Variants in PRKAR1B observed in about 807,000 individuals in gnomAD.
PRKAR1B encodes cAMP-dependent protein kinase type I-beta regulatory subunit.
In PRKAR1B, 22 loss-of-function variants were observed where a neutral mutation model predicts 46.5. The ratio of observed to expected loss-of-function variants is 0.47; its 90% CI spans 0.34 to 0.68. The LOEUF (loss-of-function observed/expected upper bound fraction) is 0.68, where lower values mean the gene tolerates loss of function less well. Ranked by LOEUF, PRKAR1B falls within the 30% of genes least tolerant of loss-of-function variation. The pLI is 0.01. For synonymous variants in PRKAR1B, 259 were observed against 217.7 expected, an observed-to-expected ratio of 1.19 and a Z score of -1.67; for missense variants, 445 against 535.6, an observed-to-expected ratio of 0.83 and a Z score of 1.67.
rs1451419934 is a variant in PRKAR1B, at chr7:666,792, C to T, written c.440+10437G>A. 1.3e-5 allele frequency among the ~76,000 whole-genome samples: 2 copies of T among 152,218 alleles called. No homozygotes were observed. The highest frequency in any genetic ancestry group is 1.5e-5 in the Non-Finnish European group (1 of 68,034). ...GGCTACCCCAGCCTCTTTCTCAGAC[C>T]AAGTACTGAGTGGGGCCTGACTGCG... On this transcript the variant is annotated intron_variant, in intron 4 of 10. Transcript: ENST00000537384. This position sits in a 1 kb window ranked among gnomAD's most constrained non-coding sequence, Gnocchi z 4.9.
At chr7:700,358 A>G (rs1779993904) in intron 2 of PRKAR1B, among the ~76,000 whole-genome samples, 1 of 152,240 alleles carries the variant, frequency 6.6e-6, no homozygotes, top group South Asian at 2.1e-4. Flanking sequence ...ATTTCCTGCC[A>G]AAACAAACAA....
intron 4 of PRKAR1B, among the ~76,000 whole-genome samples, chr7:629,338 C>T (rs983075385): frequency 4.7e-5 from 7 of 148,838 alleles, no homozygotes; most frequent in African/African-American, 1.5e-4. Flanking sequence ...CCACGGCCTC[C>T]GAAGGCACCA....
At chr7:655,694 T>C (rs1041520024) in intron 4 of PRKAR1B, among the ~76,000 whole-genome samples, 7 of 152,230 alleles carry the variant, frequency 4.6e-5, no homozygotes, top group Non-Finnish European at 7.3e-5. Context: ...GGGCAGGGCC[T>C]GGCCTGAAGG....
chr7:696,282 TTA>T (rs988039253), intron 2 of PRKAR1B, among the ~76,000 whole-genome samples: 1 of 142,686 alleles, frequency 7.0e-6, no homozygotes, highest in African/African-American at 2.7e-5. Context: ...CTTTTTTTTT[TTA>T]AAGAAAGATG....
intron 4 of PRKAR1B, among the ~76,000 whole-genome samples, chr7:611,096 T>C (rs1163482580): frequency 1.3e-5 from 2 of 152,234 alleles, no homozygotes; most frequent in East Asian, 3.9e-4. Context: ...CCGTCCAGTT[T>C]CCAGATAAGG....
intron 3 of PRKAR1B, among the ~76,000 whole-genome samples, chr7:678,291 A>G (rs998000457): frequency 2.6e-5 from 4 of 152,196 alleles, no homozygotes; most frequent in African/African-American, 9.6e-5. Context: ...AAATAAACAT[A>G]TCTACACAGA....
At chr7:632,022 G>A (rs529967135) in intron 4 of PRKAR1B, among the ~76,000 whole-genome samples, 4 of 151,962 alleles carry the variant, frequency 2.6e-5, no homozygotes, top group East Asian at 1.9e-4. Flanking sequence ...AAGAGAAACC[G>A]TAAAGAGAAA....
At chr7:580,407 T>A (rs547976987) in intron 8 of PRKAR1B, among the ~76,000 whole-genome samples, 3 of 134,010 alleles carry the variant, frequency 2.2e-5, no homozygotes, top group South Asian at 2.2e-4. Context: ...ACAAAAAAAA[T>A]AATAATAATA....
At chr7:645,865 C>T (rs147727801) in intron 4 of PRKAR1B, among the ~76,000 whole-genome samples, 1,819 of 152,264 alleles carry the variant, frequency 0.012, 18 homozygotes, top group South Asian at 0.02. Context: ...CCAGTCAGAC[C>T]CCTCTGGGGC....
chr7:567,851 T>G (rs541271930), intron 9 of PRKAR1B, among the ~76,000 whole-genome samples: 5 of 151,652 alleles, frequency 3.3e-5, no homozygotes, highest in Middle Eastern at 3.4e-3. Context: ...AGGAGAAGGG[T>G]GGTTCTACTT....
chr7:606,404 A>G (rs1367323856), intron 5 of PRKAR1B, among the ~76,000 whole-genome samples, 165 bp from the exon 6 acceptor site: 1 of 152,250 alleles, frequency 6.6e-6, no homozygotes, highest in African/African-American at 2.4e-5. Flanking sequence ...CATTGAGATA[A>G]CTTGTTAAAG....
intron 4 of PRKAR1B, among the ~76,000 whole-genome samples, chr7:653,592 C>T (rs539012686): frequency 4.6e-5 from 7 of 152,064 alleles, no homozygotes; most frequent in Non-Finnish European, 2.9e-5. Context: ...CAGTCACAGT[C>T]GTTGATGGAT....
chr7:710,740 G>A (rs530682269), intron 2 of PRKAR1B, among the ~76,000 whole-genome samples: 40 of 148,716 alleles, frequency 2.7e-4, no homozygotes, highest in African/African-American at 1.0e-3. Flanking sequence ...CCACCTCCCG[G>A]TTCAAGCAAT....
At chr7:611,290 T>C (rs952050868) in intron 4 of PRKAR1B, among the ~76,000 whole-genome samples, 1 of 152,198 alleles carries the variant, frequency 6.6e-6, no homozygotes, top group Non-Finnish European at 1.5e-5. Flanking sequence ...TCTCTCCATC[T>C]GTGCCCTGGA....
Position 550,595 on chromosome 7 carries a change from A to G in PRKAR1B, c.981T>C (p.Ile327=). 6.3e-7 allele frequency: 1 copy of G among 1,577,144 alleles called. No individual in the cohort carries two copies. Among genetic ancestry groups the G allele is most frequent in the Non-Finnish European group, 8.6e-7 (1 of 1,165,088 alleles). Residue 327 remains isoleucine, a synonymous_variant, in exon 11 of 11, where the codon ATT becomes ATC. Transcript: ENST00000537384. ...CCCGGGGCCGGTTCAGCAGCAGTGCAATCTCCCCTGGGGGTTGAAGAGAGA... is the reference window on the plus strand; with the variant it reads ...CCCGGGGCCGGTTCAGCAGCAGTGCGATCTCCCCTGGGGGTTGAAGAGAGA... ...RLGPSDYFGE[I]ALLLNRPRAA... is the part of the protein sequence containing the mutation.
chr7:680,862 G>T, intron 2 of PRKAR1B, 136 bp from the exon 3 acceptor site: 1 of 987,526 alleles, frequency 1.0e-6, no homozygotes, highest in Non-Finnish European at 1.5e-6. Context: ...TGGACATACG[G>T]TTAGGCTTTG....
intron 4 of PRKAR1B, among the ~76,000 whole-genome samples, chr7:643,658 G>T (rs1248696521): frequency 1.3e-5 from 2 of 151,078 alleles, no homozygotes; most frequent in Non-Finnish European, 2.9e-5. Flanking sequence ...GGAGGTGGAG[G>T]TTGCAGTGAG....
chr7:573,645 G>A (rs566735733), intron 9 of PRKAR1B, among the ~76,000 whole-genome samples: 2 of 152,354 alleles, frequency 1.3e-5, no homozygotes, highest in East Asian at 3.9e-4. Flanking sequence ...TTCAGCAGAT[G>A]TGCCACTGCG....
At position 718,647 on chromosome 7, in the gene PRKAR1B, G is replaced by A. The variant is rs148646332; in HGVS notation, c.-22-7120C>T. ...GCTGGGATTATAGACGTGAGCCACT[G>A]CACCTGACCTGACCCATTTTTAAGT... On this transcript the variant is annotated intron_variant, in intron 1 of 10. Transcript: ENST00000537384. Among the ~76,000 whole-genome samples, 907 of 151,934 alleles carry A rather than the reference G, an allele frequency of 6.0e-3. 12 individuals are homozygous for A. The highest frequency in any genetic ancestry group is 0.02 in the African/African-American group (847 of 41,430).
Sources: allele counts gnomAD v4.1 joint callset (sites outside exome capture counted in the v4.1 genomes callset), GRCh38; gene constraint gnomAD v4.1.1; non-coding constraint Gnocchi (gnomAD v3.1); transcripts MANE v1.5; gene names NCBI Gene and HGNC (gene_info 2026-07-23, HGNC 2026-07-21).